KCNU1: variants seen among roughly 807,000 people sequenced by gnomAD.
KCNU1 encodes potassium channel subfamily U member 1.
A neutral mutation model predicts 126.8 loss-of-function variants in KCNU1; 93 were observed. That is an observed-to-expected ratio of 0.73 (90% CI 0.62 to 0.87). The LOEUF (loss-of-function observed/expected upper bound fraction) is 0.87. Among genes scored for constraint, KCNU1 ranks in the 40% least tolerant of loss-of-function variants. The probability of loss-of-function intolerance (pLI) is 0.00; values close to 1 mark genes in which losing one functional copy is unlikely to be tolerated. For synonymous variants in KCNU1, 523 were observed against 494.2 expected (o/e 1.06, Z -0.77); for missense variants, 1,330 against 1,367.1 (o/e 0.97, Z 0.43).
At chr8:36,859,109 G>C (rs2070741454) in intron 18 of KCNU1, among the ~76,000 whole-genome samples, 1 of 152,092 alleles carries the variant, frequency 6.6e-6, no homozygotes, top group South Asian at 2.1e-4. Flanking sequence ...CAGGTCAATG[G>C]CTTGGTGTGT....
intron 19 of KCNU1, among the ~76,000 whole-genome samples, chr8:36,866,897 G>T (rs1752940362): frequency 6.6e-6 from 1 of 152,074 alleles, no homozygotes; most frequent in Admixed American, 6.6e-5. Flanking sequence ...CAAAGAAAGG[G>T]TTCACCCGTG....
At chr8:36,925,792 G>A (rs112779626) in intron 24 of KCNU1, among the ~76,000 whole-genome samples, 19 of 152,146 alleles carry the variant, frequency 1.2e-4, no homozygotes, top group African/African-American at 3.1e-4. Context: ...AGTCACTACC[G>A]CAGCTCCTGA....
At chr8:36,809,366 G>A (rs1279766794) in intron 7 of KCNU1, among the ~76,000 whole-genome samples, 1 of 152,150 alleles carries the variant, frequency 6.6e-6, no homozygotes, top group Non-Finnish European at 1.5e-5. Flanking sequence ...CAGTTGAAGA[G>A]CAGTCATTAG....
At chr8:36,854,198 A>T (rs570301597) in intron 18 of KCNU1, among the ~76,000 whole-genome samples, 1 of 152,066 alleles carries the variant, frequency 6.6e-6, no homozygotes, top group Non-Finnish European at 1.5e-5. Context: ...CCATGTGTCA[A>T]TCTCTTTAAA....
chr8:36,864,005 C>A (rs1236915445), intron 18 of KCNU1, among the ~76,000 whole-genome samples: 3 of 152,016 alleles, frequency 2.0e-5, no homozygotes, highest in African/African-American at 7.3e-5. Flanking sequence ...AGGTGATGTC[C>A]AGGCAGAATG....
intron 16 of KCNU1, among the ~76,000 whole-genome samples, chr8:36,841,598 ACG>A (rs1563289049): frequency 6.6e-6 from 1 of 152,144 alleles, no homozygotes; most frequent in African/African-American, 2.4e-5. Context: ...TGGGAGGCTG[ACG>A]CATGAGAATT....
chr8:36,859,295 A>C (rs374411684), intron 18 of KCNU1, among the ~76,000 whole-genome samples: 1 of 152,126 alleles, frequency 6.6e-6, no homozygotes, highest in East Asian at 1.9e-4. Context: ...CAACATAGAA[A>C]CCTTACACTG....
chr8:36,876,702 C>T (rs1806290116), intron 19 of KCNU1, among the ~76,000 whole-genome samples: 1 of 152,130 alleles, frequency 6.6e-6, no homozygotes, highest in African/African-American at 2.4e-5. Flanking sequence ...GCAGCCACTA[C>T]ATTTGGTTCT....
chr8:36,801,863 A>C (rs962209126), intron 2 of KCNU1, among the ~76,000 whole-genome samples: 2 of 152,036 alleles, frequency 1.3e-5, no homozygotes, highest in African/African-American at 4.8e-5. Context: ...TAATCCCAGC[A>C]CTTGAGAGGT....
intron 19 of KCNU1, among the ~76,000 whole-genome samples, chr8:36,866,792 T>C (rs1273407817): frequency 1.3e-5 from 2 of 152,096 alleles, no homozygotes; most frequent in East Asian, 1.9e-4. Flanking sequence ...GAATAAGTGA[T>C]AGTTTTTGGC....
At chr8:36,788,128 A>C (rs1251447504) in intron 2 of KCNU1, among the ~76,000 whole-genome samples, 1 of 152,006 alleles carries the variant, frequency 6.6e-6, no homozygotes, top group Non-Finnish European at 1.5e-5. Flanking sequence ...GTGTCCCTCT[A>C]TGATATTTAT....
At chr8:36,836,147 A>G in intron 12 of KCNU1, 149 bp from the exon 13 acceptor site, 1 of 551,668 alleles carries the variant, frequency 1.8e-6, no homozygotes, top group Non-Finnish European at 3.2e-6. Flanking sequence ...TACTAAAAAC[A>G]TTTTTAGAAA....
At chr8:36,813,256 T>C (rs1462960321) in intron 7 of KCNU1, among the ~76,000 whole-genome samples, 1 of 152,072 alleles carries the variant, frequency 6.6e-6, no homozygotes, top group Non-Finnish European at 1.5e-5. Context: ...ACATCACTTT[T>C]AAAAAGGGAA....
chr8:36,902,025 T>C (rs184579729), intron 19 of KCNU1, among the ~76,000 whole-genome samples: 1 of 152,248 alleles, frequency 6.6e-6, no homozygotes, highest in East Asian at 1.9e-4. Flanking sequence ...TAGTAGAGTA[T>C]GTTTCTATGA....
intron 23 of KCNU1, among the ~76,000 whole-genome samples, chr8:36,921,723 G>A (rs879546448): frequency 2.6e-5 from 4 of 151,456 alleles, no homozygotes; most frequent in Non-Finnish European, 5.9e-5. Context: ...CTCTTCTCAC[G>A]GACCACAGTG....
intron 12 of KCNU1, 97 bp from the exon 13 acceptor site, chr8:36,836,199 C>T: frequency 1.3e-6 from 1 of 757,436 alleles, no homozygotes; most frequent in Non-Finnish European, 2.2e-6. Flanking sequence ...AGTTTTTCTA[C>T]ACTTACCTAC....
intron 20 of KCNU1, among the ~76,000 whole-genome samples, chr8:36,908,346 G>A (rs929825965): frequency 1.6e-4 from 25 of 152,190 alleles, no homozygotes; most frequent in African/African-American, 6.0e-4. Flanking sequence ...AGTAGTATGA[G>A]ACATATTCAA....
chr8:36,902,588 C>T, intron 19 of KCNU1, among the ~76,000 whole-genome samples: 1 of 152,138 alleles, frequency 6.6e-6, no homozygotes, highest in East Asian at 1.9e-4. Context: ...AAGACAGTCA[C>T]TACCAACTTG....
intron 10 of KCNU1, among the ~76,000 whole-genome samples, chr8:36,826,563 A>G: frequency 6.6e-6 from 1 of 151,884 alleles, no homozygotes; most frequent in East Asian, 1.9e-4. Context: ...CCCTTTTTAT[A>G]TCTCTGTGTT....
Sources: gnomAD v4.1 joint callset for allele counts (sites outside exome capture counted in the v4.1 genomes callset) on GRCh38, gnomAD v4.1.1 for gene constraint, MANE v1.5 for transcripts, NCBI Gene and HGNC (gene_info 2026-07-23, HGNC 2026-07-21) for gene names.